DENND1B: variants seen among roughly 807,000 people sequenced by gnomAD.
DENND1B encodes the protein DENN domain-containing protein 1B.
DENND1B carries 59 observed loss-of-function variants against 90.1 expected under a neutral mutation model. The ratio of observed to expected loss-of-function variants is 0.65; its 90% CI spans 0.53 to 0.81. The LOEUF (loss-of-function observed/expected upper bound fraction) is 0.81, where lower values mean the gene tolerates loss of function less well. Ranked by LOEUF, DENND1B falls within the 40% of genes least tolerant of loss-of-function variation. The probability of loss-of-function intolerance (pLI) is 0.00; values close to 1 mark genes in which losing one functional copy is unlikely to be tolerated. For missense variants in DENND1B, 862 were observed against 912.6 expected (o/e 0.94, Z 0.71); for synonymous variants, 337 against 324.6 (o/e 1.04, Z -0.41).
At chr1:197,569,269 G>A (rs113159413) in intron 15 of DENND1B, among the ~76,000 whole-genome samples, 148 of 152,118 alleles carry the variant, frequency 9.7e-4, no homozygotes, top group African/African-American at 3.5e-3. Flanking sequence ...AAAAAGACAA[G>A]AGGTAAGTTT....
At chr1:197,643,241 G>A (rs951510992) in intron 9 of DENND1B, among the ~76,000 whole-genome samples, 5 of 151,222 alleles carry the variant, frequency 3.3e-5, no homozygotes, top group Non-Finnish European at 5.9e-5. Flanking sequence ...TGCAACCTCC[G>A]CCTCCCGGGT....
intron 13 of DENND1B, among the ~76,000 whole-genome samples, chr1:197,597,579 G>A (rs1675819784): frequency 6.6e-6 from 1 of 151,712 alleles, no homozygotes. Context: ...TGCTCACTAA[G>A]AATACAGGCA....
chr1:197,657,484 T>C (rs1239409429), intron 6 of DENND1B, among the ~76,000 whole-genome samples: 1 of 152,176 alleles, frequency 6.6e-6, no homozygotes, highest in East Asian at 1.9e-4. Flanking sequence ...AAATGTCCAA[T>C]ATCACTAACC....
At chr1:197,511,030 C>CT (rs1383925169) in intron 22 of DENND1B, 58 bp from the exon 23 acceptor site, 8 of 1,389,876 alleles carry the variant, frequency 5.8e-6, no homozygotes, top group South Asian at 5.4e-5. Context: ...TAATTTAGTT[C>CT]TTTTTTCTCT....
At chr1:197,587,095 G>A (rs755024986) in intron 14 of DENND1B, among the ~76,000 whole-genome samples, 4 of 152,112 alleles carry the variant, frequency 2.6e-5, no homozygotes, top group African/African-American at 4.8e-5. Context: ...CTAGAAACTC[G>A]TGTTAGGAAA....
intron 10 of DENND1B, among the ~76,000 whole-genome samples, chr1:197,618,296 C>T (rs567265801): frequency 2.0e-5 from 3 of 151,066 alleles, no homozygotes; most frequent in Admixed American, 6.6e-5. Context: ...GTGTGAACTG[C>T]GGGTTACGGT....
intron 10 of DENND1B, among the ~76,000 whole-genome samples, chr1:197,619,719 T>C (rs1677978090): frequency 6.6e-6 from 1 of 151,264 alleles, no homozygotes; most frequent in African/African-American, 2.4e-5. Flanking sequence ...CCTGCCTCCT[T>C]ACTGGTCATC....
intron 2 of DENND1B, among the ~76,000 whole-genome samples, chr1:197,718,939 G>C (rs1660898549): frequency 6.6e-6 from 1 of 152,148 alleles, no homozygotes; most frequent in Non-Finnish European, 1.5e-5. Context: ...CAACCAGAAA[G>C]GGAGAATGCA....
chr1:197,521,913 G>A (rs1006345255), intron 20 of DENND1B, among the ~76,000 whole-genome samples: 9 of 152,074 alleles, frequency 5.9e-5, no homozygotes, highest in African/African-American at 2.2e-4. Context: ...ACAAAGCAAA[G>A]TGACTTGGGC....
chr1:197,667,605 T>A (rs1236020106), intron 5 of DENND1B, among the ~76,000 whole-genome samples: 2 of 152,056 alleles, frequency 1.3e-5, no homozygotes, highest in East Asian at 3.9e-4. Flanking sequence ...AATTTTTGTA[T>A]TTTTAGTAGA....
intron 13 of DENND1B, chr1:197,606,777 T>C (rs1221281875): frequency 1.8e-5 from 4 of 222,446 alleles, no homozygotes; most frequent in Admixed American, 5.9e-5. Context: ...TACTTTGTAA[T>C]ATAATGATTA....
intron 2 of DENND1B, among the ~76,000 whole-genome samples, chr1:197,717,590 A>C (rs1040502826): frequency 1.3e-5 from 2 of 152,150 alleles, no homozygotes; most frequent in Non-Finnish European, 2.9e-5. Flanking sequence ...GTAAGAAAAA[A>C]ATACAAATTT....
chr1:197,597,429 TAAA>T (rs200861233), intron 13 of DENND1B, among the ~76,000 whole-genome samples: 2 of 150,638 alleles, frequency 1.3e-5, no homozygotes, highest in Non-Finnish European at 3.0e-5. Flanking sequence ...CTTTAGAAAA[TAAA>T]AAAAAATTAA....
At position 197,574,286 on chromosome 1, in the gene DENND1B, G is replaced by A. The variant is rs144265865; in HGVS notation, c.1149+8866C>T. On this transcript the variant is annotated intron_variant, in intron 15 of 22. Transcript: ENST00000620048. Reference sequence around the variant, plus strand: ...GTGTGCAAAAATCACAAGCATTCCTGTACACCAATAACAGACAATCGGAGA... The same window carrying A: ...GTGTGCAAAAATCACAAGCATTCCTATACACCAATAACAGACAATCGGAGA... Among the ~76,000 whole-genome samples, 898 of 152,150 alleles carry A rather than the reference G, an allele frequency of 5.9e-3. 13 individuals are homozygous for A. Among genetic ancestry groups the A allele is most frequent in the African/African-American group, 0.02 (841 of 41,500 alleles).
chr1:197,599,091 A>C (rs1253201351), intron 13 of DENND1B, among the ~76,000 whole-genome samples: 3 of 151,768 alleles, frequency 2.0e-5, no homozygotes. Context: ...CCCTCTTAGC[A>C]CTAAAGTGAC....
chr1:197,571,810 G>A (rs1215228999), intron 15 of DENND1B, among the ~76,000 whole-genome samples: 2 of 152,130 alleles, frequency 1.3e-5, no homozygotes, highest in African/African-American at 4.8e-5. Flanking sequence ...AGAAAAAAGA[G>A]TACAGACTTA....
At chr1:197,712,685 T>C (rs961442246) in intron 3 of DENND1B, among the ~76,000 whole-genome samples, 1 of 13,162 alleles carries the variant, frequency 7.6e-5, no homozygotes, top group Non-Finnish European at 1.3e-4. Context: ...AAGGACTTCA[T>C]GTCCAAAACA....
chr1:197,760,805 C>A, intron 2 of DENND1B, among the ~76,000 whole-genome samples: 1 of 151,972 alleles, frequency 6.6e-6, no homozygotes, highest in East Asian at 1.9e-4. Flanking sequence ...CATTATACTG[C>A]GGGCTCATTT....
In DENND1B at chr1:197,630,180, T is replaced by C. The variant is rs558472821; in HGVS notation, c.673-12421A>G. Among the ~76,000 whole-genome samples, 3 of 152,256 alleles carry C rather than the reference T, an allele frequency of 2.0e-5. No homozygotes were observed. In the South Asian group the frequency reaches 6.2e-4, roughly 32 times the overall value. Reference sequence around the variant, plus strand: ...AATTTTTTATACTTTATTTTCTTCCTTTATTCTCTTAGGATGGTATCTTAG... The same window carrying C: ...AATTTTTTATACTTTATTTTCTTCCCTTATTCTCTTAGGATGGTATCTTAG... On this transcript the variant is annotated intron_variant, in intron 10 of 22. Coordinates refer to ENST00000620048, the MANE Select transcript of DENND1B (RefSeq NM_001195215.2).
Sources: allele counts gnomAD v4.1 joint callset (sites outside exome capture counted in the v4.1 genomes callset), GRCh38; gene constraint gnomAD v4.1.1; transcripts MANE v1.5; gene names NCBI Gene and HGNC (gene_info 2026-07-23, HGNC 2026-07-21).